TSPAN9: variants seen among roughly 807,000 people sequenced by gnomAD.
The protein encoded by TSPAN9 is tetraspanin-9.
TSPAN9 carries 16 observed loss-of-function variants against 31.0 expected under a neutral mutation model. That is an observed-to-expected ratio of 0.52 (90% CI 0.35 to 0.78). The LOEUF (loss-of-function observed/expected upper bound fraction) is 0.78, where lower values mean the gene tolerates loss of function less well. TSPAN9 is among the 30% of genes least tolerant of loss of function. TSPAN9 has a pLI of 0.01. For synonymous variants in TSPAN9, 145 were observed against 121.6 expected (o/e 1.19, Z -1.27); for missense variants, 272 against 312.5 (o/e 0.87, Z 0.98).
Position 3,280,525 on chromosome 12 carries a change from G to T in TSPAN9, c.432+42G>T, listed in dbSNP as rs1862874738. 1.9e-6 allele frequency: 3 copies of T among 1,578,320 alleles called. No homozygotes were observed. In the South Asian group the frequency reaches 3.4e-5, roughly 18 times the overall value. ...CCTGGTGGGGCCAGGCAGGGAGGAGGGGTGGCGGCCGGTACTTCTAGCTGC... is the reference window on the plus strand; with the variant it reads ...CCTGGTGGGGCCAGGCAGGGAGGAGTGGTGGCGGCCGGTACTTCTAGCTGC... On this transcript the variant is annotated intron_variant, in intron 6 of 8. Coordinates refer to ENST00000011898, the MANE Select transcript of TSPAN9 (RefSeq NM_006675.5). The surrounding 1 kb of genome is among the most constrained non-coding windows in gnomAD (Gnocchi z 4.5).
rs1441461099 is a variant in TSPAN9 at position 3,187,445 on chromosome 12, G to T, written c.-17-13732G>T. On this transcript the variant is annotated intron_variant, in intron 2 of 8. Transcript: ENST00000011898. The surrounding 1 kb of genome is among the most constrained non-coding windows in gnomAD (Gnocchi z 5.2). Reference sequence around the variant, plus strand: ...TGGCCAGCTTCGTCCATAAAAGCAGGGCCCAGCACTGGACCCAGGTAAGGC... The same window carrying T: ...TGGCCAGCTTCGTCCATAAAAGCAGTGCCCAGCACTGGACCCAGGTAAGGC... Among the ~76,000 whole-genome samples the T allele has an allele frequency of 6.6e-6, 1 of 152,266 alleles. No individual in the cohort carries two copies. The highest frequency in any genetic ancestry group is 2.1e-4 in the South Asian group (1 of 4,814).
chr12:3,240,339 C>T (rs1358009045), intron 3 of TSPAN9, among the ~76,000 whole-genome samples: 2 of 152,062 alleles, frequency 1.3e-5, no homozygotes, highest in African/African-American at 2.4e-5. Flanking sequence ...GGTGGGGGAG[C>T]AGCCCGGGAG....
intron 3 of TSPAN9, among the ~76,000 whole-genome samples, chr12:3,274,629 G>A (rs896419404): frequency 3.3e-5 from 5 of 152,248 alleles, no homozygotes; most frequent in Admixed American, 6.5e-5. Flanking sequence ...CAGCCCAGCA[G>A]TGTGACTGGG....
intron 3 of TSPAN9, among the ~76,000 whole-genome samples, chr12:3,233,636 G>A (rs1298607089): frequency 6.6e-6 from 1 of 152,120 alleles, no homozygotes. Flanking sequence ...CATTTTCCCT[G>A]CTTTTTAATA....
chr12:3,153,203 G>C (rs1045812125), intron 2 of TSPAN9, among the ~76,000 whole-genome samples: 1 of 152,168 alleles, frequency 6.6e-6, no homozygotes, highest in African/African-American at 2.4e-5. Context: ...TTCCTGCCTA[G>C]CCCTTATCAT....
intron 2 of TSPAN9, among the ~76,000 whole-genome samples, chr12:3,086,255 C>A (rs2098300388): frequency 6.6e-6 from 1 of 152,120 alleles, no homozygotes; most frequent in African/African-American, 2.4e-5. Flanking sequence ...ATAGAAGAAC[C>A]CCTTTGCTGG....
chr12:3,188,050 A>T (rs183037032), intron 2 of TSPAN9, among the ~76,000 whole-genome samples: 2 of 152,262 alleles, frequency 1.3e-5, no homozygotes, highest in Admixed American at 6.5e-5. Flanking sequence ...TCATCAGCAT[A>T]GGTGTCTCGC....
intron 2 of TSPAN9, among the ~76,000 whole-genome samples, chr12:3,114,281 C>T (rs1158108118): frequency 1.3e-5 from 2 of 152,166 alleles, no homozygotes; most frequent in Non-Finnish European, 1.5e-5. Context: ...CATGTCATTT[C>T]CACACCATGA....
intron 6 of TSPAN9, 142 bp from the exon 7 acceptor site, chr12:3,281,056 G>GA: frequency 7.3e-7 from 1 of 1,369,200 alleles, no homozygotes; most frequent in Non-Finnish European, 9.8e-7. Context: ...GAAGGGACAA[G>GA]AAGCAAGCCC....
At chr12:3,130,090 T>A (rs1455162789) in intron 2 of TSPAN9, among the ~76,000 whole-genome samples, 1 of 152,246 alleles carries the variant, frequency 6.6e-6, no homozygotes, top group Non-Finnish European at 1.5e-5. Context: ...TTTGGCCCTC[T>A]CCAGGATAGT....
At chr12:3,152,833 C>A (rs545513436) in intron 2 of TSPAN9, among the ~76,000 whole-genome samples, 1 of 152,306 alleles carries the variant, frequency 6.6e-6, no homozygotes, top group African/African-American at 2.4e-5. Flanking sequence ...GGTGATCCAC[C>A]CGCCTTGGCC....
intron 1 of TSPAN9, among the ~76,000 whole-genome samples, chr12:3,081,899 A>C (rs1241647576): frequency 6.7e-6 from 1 of 148,392 alleles, no homozygotes; most frequent in Non-Finnish European, 1.5e-5. Context: ...TCCCAGCTGG[A>C]GGTGGAAGGA....
intron 2 of TSPAN9, among the ~76,000 whole-genome samples, chr12:3,114,019 C>T (rs546799442): frequency 2.0e-5 from 3 of 152,354 alleles, no homozygotes; most frequent in South Asian, 4.1e-4. Context: ...CTGTCATCCT[C>T]AGTGGGCCAT....
chr12:3,106,040 C>A (rs1310407134), intron 2 of TSPAN9, among the ~76,000 whole-genome samples: 1 of 151,926 alleles, frequency 6.6e-6, no homozygotes, highest in African/African-American at 2.4e-5. Context: ...CCCACTCCAT[C>A]CTCACCCCAT....
chr12:3,183,761 T>G (rs2098359615), intron 2 of TSPAN9, among the ~76,000 whole-genome samples: 1 of 152,088 alleles, frequency 6.6e-6, no homozygotes, highest in South Asian at 2.1e-4. Context: ...ACTCGGCATT[T>G]GGGAAAGAAC....
chr12:3,174,671 C>T lies in TSPAN9; in HGVS notation c.-17-26506C>T, dbSNP rs542696481. ...GATCTCCGCTCACTGCAAGCTCCGC[C>T]TCCCGGGTTCGCGCCATTCTCCTGC... is the stretch of plus-strand genomic sequence containing the variant. On this transcript the variant is annotated intron_variant, in intron 2 of 8. Transcript: ENST00000011898. Among the ~76,000 whole-genome samples the T allele has an allele frequency of 3.2e-3, 490 of 152,230 alleles. 3 individuals carry two copies. Among genetic ancestry groups the T allele is most frequent in the African/African-American group, 0.011 (464 of 41,576 alleles).
rs2098362207 is a variant in TSPAN9 at position 3,187,809 on chromosome 12, T to G, written c.-17-13368T>G. Among the ~76,000 whole-genome samples the G allele has an allele frequency of 6.6e-6, 1 of 152,080 alleles. No individual in the cohort carries two copies. Among genetic ancestry groups the G allele is most frequent in the Non-Finnish European group, 1.5e-5 (1 of 68,026 alleles). ...ACGTACCCCTTCTCCAAGAAGCCCT[T>G]CCTGATGGGCCAGACTCTCCCTGGG... On this transcript the variant is annotated intron_variant, in intron 2 of 8. Transcript: ENST00000011898. The surrounding 1 kb of genome is among the most constrained non-coding windows in gnomAD (Gnocchi z 5.2).
At chr12:3,097,233 C>T (rs140314213) in intron 2 of TSPAN9, among the ~76,000 whole-genome samples, 3 of 152,310 alleles carry the variant, frequency 2.0e-5, no homozygotes, top group Non-Finnish European at 2.9e-5. Context: ...CTTCCGTCTT[C>T]GTCAGCTCGA....
chr12:3,239,516 G>T (rs2098395486), intron 3 of TSPAN9, among the ~76,000 whole-genome samples: 1 of 152,238 alleles, frequency 6.6e-6, no homozygotes, highest in Non-Finnish European at 1.5e-5. Context: ...CTGCCAGGCA[G>T]CCGCCACCTT....
Sources: allele counts gnomAD v4.1 joint callset (sites outside exome capture counted in the v4.1 genomes callset), GRCh38; gene constraint gnomAD v4.1.1; non-coding constraint Gnocchi (gnomAD v3.1); transcripts MANE v1.5; gene names NCBI Gene and HGNC (gene_info 2026-07-23, HGNC 2026-07-21).